Variants in LRRC4C observed in about 807,000 individuals in gnomAD.
LRRC4C encodes the protein leucine-rich repeat-containing protein 4C.
A neutral mutation model predicts 33.6 loss-of-function variants in LRRC4C; 5 were observed. The ratio of observed to expected loss-of-function variants is 0.15; its 90% CI spans 0.08 to 0.31. The LOEUF (loss-of-function observed/expected upper bound fraction) is 0.31. LRRC4C is among the 10% of genes least tolerant of loss of function. The pLI, the probability that LRRC4C is intolerant of heterozygous loss-of-function variation, is 1.00. For synonymous variants in LRRC4C, 329 were observed against 302.0 expected (o/e 1.09, Z -0.93); for missense variants, 560 against 796.7 (o/e 0.70, Z 3.58).
At chr11:40,701,542 T>C (rs1388951243) in intron 2 of LRRC4C, among the ~76,000 whole-genome samples, 1 of 151,466 alleles carries the variant, frequency 6.6e-6, no homozygotes. Context: ...TTCCATGTCA[T>C]GTAAATGATA....
At chr11:41,281,080 T>TCTCTCTCTCTTTC (rs1949656992) in intron 1 of LRRC4C, among the ~76,000 whole-genome samples, 1 of 104,502 alleles carries the variant, frequency 9.6e-6, no homozygotes, top group Admixed American at 1.0e-4. Context: ...CTCTCTGTCC[T>TCTCTCTCTCTTTC]CTCTCTCTCT....
At chr11:41,415,311 A>G (rs1324910540) in intron 1 of LRRC4C, among the ~76,000 whole-genome samples, 1 of 152,174 alleles carries the variant, frequency 6.6e-6, no homozygotes, top group Middle Eastern at 3.2e-3. Flanking sequence ...ACAGATAGAT[A>G]GTCCAGGGAG....
At chr11:41,014,611 CT>C (rs1855450082) in intron 1 of LRRC4C, among the ~76,000 whole-genome samples, 2 of 151,218 alleles carry the variant, frequency 1.3e-5, no homozygotes, top group Non-Finnish European at 2.9e-5. Context: ...CATAAACATA[CT>C]TTGACAATAA....
chr11:40,248,580 G>A (rs926033490), intron 4 of LRRC4C, among the ~76,000 whole-genome samples: 3 of 152,048 alleles, frequency 2.0e-5, no homozygotes, highest in East Asian at 1.9e-4. Context: ...GTATGACCCC[G>A]TAGTCCCAGC....
chr11:41,443,944 C>T (rs1299205074), intron 1 of LRRC4C, among the ~76,000 whole-genome samples: 1 of 151,992 alleles, frequency 6.6e-6, no homozygotes, highest in Non-Finnish European at 1.5e-5. Flanking sequence ...TTTCATATTA[C>T]CTTTTCCTCT....
intron 3 of LRRC4C, among the ~76,000 whole-genome samples, chr11:40,387,667 AT>A (rs1949163915): frequency 6.6e-6 from 1 of 152,148 alleles, no homozygotes; most frequent in African/African-American, 2.4e-5. Flanking sequence ...ATCTGATCAT[AT>A]TTGTATCAAA....
At chr11:40,884,200 G>A (rs1050474570) in intron 2 of LRRC4C, among the ~76,000 whole-genome samples, 2 of 151,994 alleles carry the variant, frequency 1.3e-5, no homozygotes, top group East Asian at 3.9e-4. Flanking sequence ...TGCCCAGGAT[G>A]ATGCTTTACA....
At chr11:40,857,527 T>A (rs1354730950) in intron 2 of LRRC4C, among the ~76,000 whole-genome samples, 3 of 152,220 alleles carry the variant, frequency 2.0e-5, no homozygotes, top group Non-Finnish European at 2.9e-5. Context: ...AAAGATGACT[T>A]CAGATATAAC....
intron 1 of LRRC4C, among the ~76,000 whole-genome samples, chr11:41,207,736 G>C (rs546042005): frequency 6.6e-6 from 1 of 152,168 alleles, no homozygotes; most frequent in Non-Finnish European, 1.5e-5. Flanking sequence ...TGCTCCTACC[G>C]TGATCTTGGA....
intron 3 of LRRC4C, among the ~76,000 whole-genome samples, chr11:40,439,441 A>C (rs2137943485): frequency 6.6e-6 from 1 of 151,390 alleles, no homozygotes; most frequent in East Asian, 2.0e-4. Flanking sequence ...TCTTGAATAA[A>C]TTAATCCATT....
At chr11:41,299,899 A>G (rs187308899) in intron 1 of LRRC4C, among the ~76,000 whole-genome samples, 7 of 152,202 alleles carry the variant, frequency 4.6e-5, no homozygotes, top group Non-Finnish European at 7.4e-5. Context: ...AAATAAACAA[A>G]CTGATGGTTG....
intron 5 of LRRC4C, among the ~76,000 whole-genome samples, chr11:40,230,259 A>G (rs766781660): frequency 6.6e-6 from 1 of 152,224 alleles, no homozygotes; most frequent in Non-Finnish European, 1.5e-5. Flanking sequence ...CTACTTTCAG[A>G]AAAAGGGACA....
intron 4 of LRRC4C, among the ~76,000 whole-genome samples, chr11:40,243,166 G>A (rs547226452): frequency 6.6e-6 from 1 of 152,132 alleles, no homozygotes; most frequent in Non-Finnish European, 1.5e-5. Flanking sequence ...GTAATGTAAT[G>A]ACAGCAAGAT....
At chr11:40,200,631 A>C (rs1188157096) in intron 5 of LRRC4C, among the ~76,000 whole-genome samples, 11 of 151,474 alleles carry the variant, frequency 7.3e-5, no homozygotes, top group Non-Finnish European at 1.6e-4. Context: ...CTCAATAAAC[A>C]TGCCTTTCTC....
intron 1 of LRRC4C, among the ~76,000 whole-genome samples, chr11:41,163,775 C>T (rs946795673): frequency 6.6e-6 from 1 of 151,824 alleles, no homozygotes; most frequent in African/African-American, 2.4e-5. Context: ...ACACTCCAAG[C>T]AAATTTTTAT....
chr11:40,490,791 T>C, intron 3 of LRRC4C, among the ~76,000 whole-genome samples: 1 of 152,180 alleles, frequency 6.6e-6, no homozygotes, highest in East Asian at 1.9e-4. Flanking sequence ...CATTAACTTC[T>C]CAGGATTATT....
chr11:40,137,233 C>T (rs1857044959), intron 6 of LRRC4C, among the ~76,000 whole-genome samples: 1 of 151,878 alleles, frequency 6.6e-6, no homozygotes. Flanking sequence ...TAATCTTGTC[C>T]TATCAGACTC....
chr11:40,978,908 A>C (rs1040724987), intron 1 of LRRC4C, among the ~76,000 whole-genome samples: 9 of 152,086 alleles, frequency 5.9e-5, no homozygotes, highest in African/African-American at 1.9e-4. Context: ...CTAGGATTGC[A>C]GGGGTGAGCC....
chr11:40,948,008 T>A (rs1267802721), intron 1 of LRRC4C, among the ~76,000 whole-genome samples: 1 of 152,144 alleles, frequency 6.6e-6, no homozygotes, highest in Admixed American at 6.6e-5. Context: ...TTAGAACTGA[T>A]ATCTCTTCCT....
Sources: allele counts gnomAD v4.1 joint callset (sites outside exome capture counted in the v4.1 genomes callset), GRCh38; gene constraint gnomAD v4.1.1; transcripts MANE v1.5; gene names NCBI Gene and HGNC (gene_info 2026-07-23, HGNC 2026-07-21).